Variants in DERL1 observed in about 807,000 individuals in gnomAD.
DERL1 encodes the protein derlin-1.
A neutral mutation model predicts 41.6 loss-of-function variants in DERL1; 24 were observed. The observed-to-expected ratio is 0.58, with a 90% confidence interval of 0.42 to 0.81. The LOEUF is 0.81. DERL1 is among the 30% of genes least tolerant of loss of function. The pLI, the probability that DERL1 is intolerant of heterozygous loss-of-function variation, is 0.00. For missense variants in DERL1, 260 were observed against 314.3 expected (o/e 0.83, Z 1.31); for synonymous variants, 124 against 112.5 (o/e 1.10, Z -0.65).
chr8:123,032,150 C>T (rs918801828), intron 1 of DERL1, among the ~76,000 whole-genome samples: 1 of 151,290 alleles, frequency 6.6e-6, no homozygotes, highest in African/African-American at 2.4e-5. Flanking sequence ...TTTTTTCCCC[C>T]CCGAGATAGG....
chr8:123,040,562 T>C (rs140415767), intron 1 of DERL1, among the ~76,000 whole-genome samples: 36 of 152,258 alleles, frequency 2.4e-4, no homozygotes, highest in African/African-American at 8.2e-4. Context: ...ATTTTACTCA[T>C]TAAGAAGACA....
intron 2 of DERL1, among the ~76,000 whole-genome samples, chr8:123,028,848 C>T (rs1812759758): frequency 6.6e-6 from 1 of 152,130 alleles, no homozygotes; most frequent in Non-Finnish European, 1.5e-5. Flanking sequence ...GGGCAAATCT[C>T]TTGAGCCCAG....
At chr8:123,030,373 C>CT (rs1812796379) in intron 2 of DERL1, 2 of 359,140 alleles carry the variant, frequency 5.6e-6, no homozygotes, top group Non-Finnish European at 1.0e-5. Flanking sequence ...TGATCTGCTA[C>CT]TTTTTGCATC....
intron 1 of DERL1, among the ~76,000 whole-genome samples, chr8:123,038,176 T>C (rs1179642915): frequency 6.6e-6 from 1 of 152,174 alleles, no homozygotes; most frequent in African/African-American, 2.4e-5. Context: ...ACTTCCAACA[T>C]GAGCACACAA....
In DERL1 at chr8:123,030,276, G is replaced by A. The variant is rs78713859; in HGVS notation, c.265+329C>T. 1,593 of 201,718 alleles carry A rather than the reference G, an allele frequency of 7.9e-3. 27 individuals are homozygous for A. The highest frequency in any genetic ancestry group is 0.036 in the African/African-American group (1,527 of 42,186). 12.5% of individuals were successfully genotyped at this position (201,718 alleles called of 1,614,324 possible). A position where few individuals can be genotyped will look rare whatever the true frequency, so the allele number is the denominator to read the frequency against. On this transcript the variant is annotated intron_variant, in intron 2 of 7. Coordinates refer to ENST00000259512, the MANE Select transcript of DERL1 (RefSeq NM_024295.6). ...AATTCTGCACTGAAGGACAAGGACTGCTGCAAAAGAAATGAGTGAGACCCT... is the reference window on the plus strand; with the variant it reads ...AATTCTGCACTGAAGGACAAGGACTACTGCAAAAGAAATGAGTGAGACCCT...
chr8:123,015,617 A>G, intron 7 of DERL1, 32 bp from the exon 8 acceptor site: 1 of 1,594,534 alleles, frequency 6.3e-7, no homozygotes, highest in South Asian at 1.1e-5. Context: ...ACAAACGGAG[A>G]GAAGAGAACA....
In DERL1 at chr8:123,015,288, T is replaced by C. The variant is rs1326224738; in HGVS notation, c.*159A>G. ...AGAATCGTGAAACTTGTGGAACACT[T>C]ATATTTTTCTTCGGGATTTAAGAAA... On this transcript the variant is annotated 3_prime_UTR_variant, in exon 8 of 8. Coordinates refer to ENST00000259512, the MANE Select transcript of DERL1 (RefSeq NM_024295.6). The C allele has an allele frequency of 6.1e-6, 6 of 990,926 alleles. No individual in the cohort carries two copies. The allele number at this position is 990,926 out of a possible 1,614,324, so 61.4% of individuals were successfully genotyped here. A position where few individuals can be genotyped will look rare whatever the true frequency, so the allele number is the denominator to read the frequency against.
intron 2 of DERL1, among the ~76,000 whole-genome samples, chr8:123,028,705 A>AT (rs1383358167): frequency 6.6e-6 from 1 of 152,240 alleles, no homozygotes; most frequent in Non-Finnish European, 1.5e-5. Flanking sequence ...AAAATTTTAA[A>AT]TAACTGATCA....
At position 123,042,048 on chromosome 8, in the gene DERL1, C is replaced by A; in HGVS notation, c.75G>T (p.Val25=). 1 of 1,613,970 alleles carries A rather than the reference C, an allele frequency of 6.2e-7. No individual in the cohort carries two copies. The highest frequency in any genetic ancestry group is 2.2e-5 in the East Asian group (1 of 44,868). The change falls in exon 1 of 8, where the codon GTG becomes GTT. Residue 25 remains valine (V), a synonymous_variant. Transcript: ENST00000259512. ...TGAGGCCGAGTTTGCCGACCAAGGG[C>A]ACGGCGACGGTGGCGGCGAACCAAT... ...TRYWFAATVA[V]PLVGKLGLIS... is the part of the protein sequence containing the mutation.
chr8:123,019,354 C>T, intron 6 of DERL1, 49 bp from the exon 7 acceptor site: 1 of 1,349,700 alleles, frequency 7.4e-7, no homozygotes, highest in Non-Finnish European at 1.1e-6. Flanking sequence ...AATAGAGATG[C>T]ACCAAGTTTT....
intron 3 of DERL1, 29 bp from the exon 4 acceptor site, chr8:123,023,768 T>C (rs1243478640): frequency 6.8e-6 from 11 of 1,608,836 alleles, no homozygotes; most frequent in Non-Finnish European, 9.3e-6. Flanking sequence ...AGATCAGACA[T>C]AAAAAAGCAT....
intron 2 of DERL1, among the ~76,000 whole-genome samples, chr8:123,029,209 C>T (rs1812769337): frequency 2.6e-5 from 4 of 152,162 alleles, no homozygotes; most frequent in Admixed American, 2.6e-4. Flanking sequence ...ATTTAAAGAT[C>T]AAACCCCTAA....
At chr8:123,027,219 G>A (rs1408911058) in intron 2 of DERL1, among the ~76,000 whole-genome samples, 5 of 148,230 alleles carry the variant, frequency 3.4e-5, no homozygotes, top group Non-Finnish European at 7.4e-5. Flanking sequence ...GCTTGAACTC[G>A]AGATGCAGAG....
At position 123,021,476 on chromosome 8, in the gene DERL1, G is replaced by C; in HGVS notation, c.477C>G (p.Ile159Met). Residue 159 changes from isoleucine to methionine, a missense_variant, in exon 6 of 8, where the codon ATC becomes ATG. Coordinates refer to ENST00000259512, the MANE Select transcript of DERL1 (RefSeq NM_024295.6). ...RFKACYLPWV[I>M]LGFNYIIGGS... ...CTCCGATGATATAGTTGAATCCAAG[G>C]ATAACCCAGGGTAAATAGCAGGCCT... 2.5e-6 allele frequency: 4 copies of C among 1,613,886 alleles called. No homozygotes were observed. The highest frequency in any genetic ancestry group is 3.4e-6 in the Non-Finnish European group (4 of 1,179,838).
intron 4 of DERL1, 56 bp from the exon 5 acceptor site, chr8:123,022,835 T>C (rs1812596765): frequency 3.5e-6 from 5 of 1,437,444 alleles, no homozygotes; most frequent in Non-Finnish European, 4.9e-6. Flanking sequence ...AAAAAAGGTG[T>C]ACATCTACTA....
intron 1 of DERL1, among the ~76,000 whole-genome samples, chr8:123,038,470 T>C (rs1812977408): frequency 6.6e-6 from 1 of 152,206 alleles, no homozygotes; most frequent in African/African-American, 2.4e-5. Flanking sequence ...CTGTCCTGCC[T>C]CCTGCTGGCA....
intron 2 of DERL1, 61 bp from the exon 3 acceptor site, chr8:123,025,111 A>T: frequency 6.5e-7 from 1 of 1,535,816 alleles, no homozygotes; most frequent in Non-Finnish European, 8.9e-7. Context: ...TAACATCTAC[A>T]TAGAGAAACA....
intron 2 of DERL1, among the ~76,000 whole-genome samples, chr8:123,027,403 G>A (rs1383081280): frequency 6.6e-6 from 1 of 151,882 alleles, no homozygotes; most frequent in Non-Finnish European, 1.5e-5. Flanking sequence ...TTCTTTTGGG[G>A]GTGGTGAAAT....
intron 6 of DERL1, 88 bp downstream of exon 6, chr8:123,021,359 A>G: frequency 8.0e-7 from 1 of 1,243,938 alleles, no homozygotes; most frequent in Non-Finnish European, 1.2e-6. Flanking sequence ...GAGATTCTTT[A>G]AAGTTGTATA....
Sources: allele counts gnomAD v4.1 joint callset (sites outside exome capture counted in the v4.1 genomes callset), GRCh38; gene constraint gnomAD v4.1.1; transcripts MANE v1.5; gene names NCBI Gene and HGNC (gene_info 2026-07-23, HGNC 2026-07-21).